CELF2: variants seen among roughly 807,000 people sequenced by gnomAD.
CELF2 encodes CUG triplet repeat RNA-binding protein 2.
In CELF2, 8 loss-of-function variants were observed where a neutral mutation model predicts 62.6. The ratio of observed to expected loss-of-function variants is 0.13; its 90% CI spans 0.07 to 0.23. CELF2 has a LOEUF of 0.23. Among genes scored for constraint, CELF2 ranks in the 10% least tolerant of loss-of-function variants. The pLI, the probability that CELF2 is intolerant of heterozygous loss-of-function variation, is 1.00. For missense variants in CELF2, 333 were observed against 671.0 expected (o/e 0.50, Z 5.56); for synonymous variants, 258 against 250.0 (o/e 1.03, Z -0.30).
chr10:10,719,955 T>C, the CELF2 span, among the ~76,000 whole-genome samples: 2 of 152,200 alleles, frequency 1.3e-5, no homozygotes, highest in Non-Finnish European at 2.9e-5. Context: ...CAAAGGTGGG[T>C]AATAATATTT....
intron 1 of CELF2, among the ~76,000 whole-genome samples, chr10:10,910,691 C>A (rs2063727883): frequency 2.0e-5 from 2 of 99,302 alleles, no homozygotes; most frequent in African/African-American, 8.6e-5. Context: ...CAGAGTGAGA[C>A]TCTGCCTCAA....
intron 1 of CELF2, among the ~76,000 whole-genome samples, chr10:10,816,139 T>G (rs941811125): frequency 7.9e-5 from 12 of 152,142 alleles, no homozygotes; most frequent in Non-Finnish European, 1.5e-4. Flanking sequence ...AGACCATAAG[T>G]TTCTATATTT....
At chr10:11,071,250 C>T (rs1414926350) in intron 1 of CELF2, among the ~76,000 whole-genome samples, 1 of 152,186 alleles carries the variant, frequency 6.6e-6, no homozygotes, top group African/African-American at 2.4e-5. Flanking sequence ...CTAGGACATG[C>T]GCTGGTTCTT....
the CELF2 span, among the ~76,000 whole-genome samples, chr10:10,614,219 C>G: frequency 6.6e-6 from 1 of 152,116 alleles, no homozygotes; most frequent in Non-Finnish European, 1.5e-5. Context: ...CCTTCCTCCC[C>G]CATTTTCCCT....
At chr10:11,213,885 A>G (rs2062583235) in intron 2 of CELF2, among the ~76,000 whole-genome samples, 2 of 152,264 alleles carry the variant, frequency 1.3e-5, no homozygotes, top group African/African-American at 4.8e-5. Context: ...ATAGAAGTAA[A>G]GAATGCTTTT....
intron 1 of CELF2, among the ~76,000 whole-genome samples, chr10:10,828,411 A>G (rs1241065421): frequency 6.6e-6 from 1 of 152,242 alleles, no homozygotes; most frequent in Non-Finnish European, 1.5e-5. Flanking sequence ...AAGCCAGTCA[A>G]TAAAAAGGCA....
At chr10:10,626,852 G>A in the CELF2 span, among the ~76,000 whole-genome samples, 3 of 152,162 alleles carry the variant, frequency 2.0e-5, no homozygotes, top group Admixed American at 6.5e-5. Context: ...TTCTCTGCTA[G>A]CACCTTAGCA....
At chr10:10,810,156 A>T (rs2055703549) in intron 1 of CELF2, among the ~76,000 whole-genome samples, 1 of 152,264 alleles carries the variant, frequency 6.6e-6, no homozygotes, top group South Asian at 2.1e-4. Flanking sequence ...ACAGATAGAC[A>T]TAAATAGAAA....
chr10:10,853,439 G>A (rs1043025307), intron 1 of CELF2, among the ~76,000 whole-genome samples: 1 of 152,056 alleles, frequency 6.6e-6, no homozygotes, highest in African/African-American at 2.4e-5. Flanking sequence ...GGGGAATTCA[G>A]AGAATCCACT....
the CELF2 span, among the ~76,000 whole-genome samples, chr10:10,556,330 A>G: frequency 2.7e-4 from 41 of 151,786 alleles, no homozygotes; most frequent in Non-Finnish European, 4.9e-4. Flanking sequence ...ATGATTTCCA[A>G]TTTCATCCAT....
the CELF2 span, among the ~76,000 whole-genome samples, chr10:10,746,936 G>T: frequency 1.3e-5 from 2 of 152,302 alleles, no homozygotes; most frequent in East Asian, 1.9e-4. Flanking sequence ...AGACAGAGAA[G>T]TATGGGAGAT....
At chr10:10,944,326 T>C (rs1287795102) in intron 2 of CELF2, 2 of 152,664 alleles carry the variant, frequency 1.3e-5, no homozygotes, top group Admixed American at 1.3e-4. Flanking sequence ...CATTTTGACC[T>C]GCAGAAAATA....
chr10:11,124,371 T>A (rs138187728), intron 1 of CELF2, among the ~76,000 whole-genome samples: 1 of 152,322 alleles, frequency 6.6e-6, no homozygotes, highest in East Asian at 1.9e-4. Flanking sequence ...GAGCCTTTTT[T>A]GAGGAAAGGA....
intron 2 of CELF2, among the ~76,000 whole-genome samples, chr10:10,935,800 C>G (rs999570429): frequency 2.6e-5 from 4 of 152,120 alleles, no homozygotes; most frequent in Non-Finnish European, 4.4e-5. Flanking sequence ...CTCTTCCACT[C>G]TCTCATAGAT....
rs1010776850 is a variant in CELF2, at chr10:11,224,211, G to A, written c.354+6704G>A. Among the ~76,000 whole-genome samples, 8 of 152,178 alleles carry A rather than the reference G, an allele frequency of 5.3e-5. No individual in the cohort carries two copies. The highest frequency in any genetic ancestry group is 2.1e-4 in the South Asian group (1 of 4,828). The stretch of plus-strand genomic sequence containing the variant: ...GGCAATGTTTAGTTTTGCAAACAAC[G>A]TAGTCTCAGCTATATCCCTAATTAA... On this transcript the variant is annotated intron_variant, in intron 3 of 12. Transcript: ENST00000633077. The surrounding 1 kb of genome is among the most constrained non-coding windows in gnomAD (Gnocchi z 4.5).
intron 1 of CELF2, among the ~76,000 whole-genome samples, chr10:11,050,485 C>T (rs1369194035): frequency 6.6e-6 from 1 of 152,182 alleles, no homozygotes; most frequent in Admixed American, 6.5e-5. Flanking sequence ...CATGGAGTGT[C>T]GGTTCTAATT....
In CELF2 at chr10:10,835,062, G is replaced by C. The variant is rs55988223; in HGVS notation, c.53+36245G>C. 3.2e-3 allele frequency among the ~76,000 whole-genome samples: 493 copies of C among 152,172 alleles called. 6 individuals carry two copies. Among genetic ancestry groups the C allele is most frequent in the African/African-American group, 0.011 (476 of 41,510 alleles). On this transcript the variant is annotated intron_variant, in intron 1 of 13. Transcript: ENST00000636488. ...ACATAAGAGGCTGGAGTATAAATTA[G>C]GGACATGGTGCCTGACTGGAGCATT...
At chr10:10,969,190 G>A (rs1268807535) in intron 2 of CELF2, among the ~76,000 whole-genome samples, 2 of 152,162 alleles carry the variant, frequency 1.3e-5, no homozygotes, top group Non-Finnish European at 2.9e-5. Context: ...CTGGGAGGCG[G>A]CGGTTGCAAT....
At chr10:10,964,771 G>A (rs556721432) in intron 2 of CELF2, among the ~76,000 whole-genome samples, 25 of 151,198 alleles carry the variant, frequency 1.7e-4, no homozygotes, top group South Asian at 8.3e-4. Context: ...CAGAAGCAGC[G>A]CAGCTCTTTA....
Sources: allele counts gnomAD v4.1 joint callset (sites outside exome capture counted in the v4.1 genomes callset), GRCh38; gene constraint gnomAD v4.1.1; non-coding constraint Gnocchi (gnomAD v3.1); transcripts MANE v1.5; gene names NCBI Gene and HGNC (gene_info 2026-07-23, HGNC 2026-07-21).